The following EFTUD2 variants were observed in gnomAD, a reference collection of about 807,000 sequenced individuals.
EFTUD2 encodes elongation factor Tu GTP binding domain containing 2.
In EFTUD2, 9 loss-of-function variants were observed where a neutral mutation model predicts 114.3. That is an observed-to-expected ratio of 0.08 (90% CI 0.05 to 0.14). The LOEUF (loss-of-function observed/expected upper bound fraction) is 0.14. Ranked by LOEUF, EFTUD2 falls within the 10% of genes least tolerant of loss-of-function variation. The pLI is 1.00. For synonymous variants in EFTUD2, 449 were observed against 462.3 expected, an observed-to-expected ratio of 0.97 and a Z score of 0.37; for missense variants, 765 against 1,241.2, an observed-to-expected ratio of 0.62 and a Z score of 5.76.
chr17:44,880,819 C>T (rs1259838058), intron 7 of EFTUD2, among the ~76,000 whole-genome samples, 175 bp from the exon 8 acceptor site: 1 of 152,136 alleles, frequency 6.6e-6, no homozygotes, highest in Non-Finnish European at 1.5e-5. Context: ...GTGTTAGACA[C>T]CATTTTTGGG....
In EFTUD2 at chr17:44,850,692, C is replaced by T. The variant is rs1382192505; in HGVS notation, c.*582G>A. On this transcript the variant is annotated 3_prime_UTR_variant, in exon 28 of 28. Coordinates refer to ENST00000426333, the MANE Select transcript of EFTUD2 (RefSeq NM_004247.4). ...CTCCCAAGCCATCTTAGGTTCCACCCAGAAGCAGCATGGAGTGGGAGCAAG... is the reference window on the plus strand; with the variant it reads ...CTCCCAAGCCATCTTAGGTTCCACCTAGAAGCAGCATGGAGTGGGAGCAAG... 26 of 302,542 alleles carry T rather than the reference C, an allele frequency of 8.6e-5. No homozygotes were observed. Among genetic ancestry groups the T allele is most frequent in the Non-Finnish European group, 1.6e-4 (25 of 158,006 alleles). The allele number at this position is 302,542 out of a possible 1,614,324, so 18.7% of individuals were successfully genotyped here. A position where few individuals can be genotyped will look rare whatever the true frequency, so the allele number is the denominator to read the frequency against.
chr17:44,899,193 G>A (rs2051464548), intron 1 of EFTUD2, 176 bp downstream of exon 1: 1 of 152,246 alleles, frequency 6.6e-6, no homozygotes. Context: ...GGAAGCCTTG[G>A]GAAGGCACGA....
intron 1 of EFTUD2, among the ~76,000 whole-genome samples, chr17:44,897,587 C>T (rs947317109): frequency 2.0e-5 from 3 of 152,058 alleles, no homozygotes; most frequent in Non-Finnish European, 2.9e-5. Flanking sequence ...TTTTTTGAGA[C>T]GGAGTCCCGC....
Position 44,862,923 on chromosome 17 carries a change from G to C in EFTUD2, c.1414-17C>G. ...CAGGGGGCCCTGGAAGAGGGGACAG[G>C]GTGCAGCTTCAACCACATCTATGCT... On this transcript the variant is annotated splice_polypyrimidine_tract_variant and intron_variant, in intron 15 of 27. Transcript: ENST00000426333. 1 of 1,601,004 alleles carries C rather than the reference G, an allele frequency of 6.2e-7. No individual in the cohort carries two copies. The highest frequency in any genetic ancestry group is 8.5e-7 in the Non-Finnish European group (1 of 1,169,818).
chr17:44,852,165 C>T (rs2050466708), intron 26 of EFTUD2, among the ~76,000 whole-genome samples: 1 of 152,046 alleles, frequency 6.6e-6, no homozygotes, highest in South Asian at 2.1e-4. Flanking sequence ...GACCTGCCCG[C>T]CTCAGCCTCC....
chr17:44,890,249 A>G (rs964892054), intron 2 of EFTUD2, among the ~76,000 whole-genome samples: 2 of 151,150 alleles, frequency 1.3e-5, no homozygotes, highest in Non-Finnish European at 3.0e-5. Context: ...CGAACTCTTG[A>G]CCTCAGGTCA....
chr17:44,856,739 G>T (rs1446666847), intron 20 of EFTUD2, among the ~76,000 whole-genome samples: 2 of 146,590 alleles, frequency 1.4e-5, no homozygotes, highest in Admixed American at 1.4e-4. Context: ...GAAAGTTGAG[G>T]CTGCACTCCA....
intron 2 of EFTUD2, among the ~76,000 whole-genome samples, chr17:44,888,785 C>T (rs115008429): frequency 3.9e-5 from 6 of 152,068 alleles, no homozygotes; most frequent in African/African-American, 7.2e-5. Context: ...GGGAGCAGGG[C>T]GGGGAAAGCT....
In EFTUD2 at chr17:44,852,541, T is replaced by G; in HGVS notation, c.2583A>C (p.Ala861=). The G allele has an allele frequency of 6.2e-7, 1 of 1,613,882 alleles. No homozygotes were observed. The highest frequency in any genetic ancestry group is 8.5e-7 in the Non-Finnish European group (1 of 1,179,978). Residue 861 remains alanine (A), a synonymous_variant, in exon 26 of 28, where the codon GCA becomes GCC. Transcript: ENST00000426333. Reference sequence around the variant, plus strand: ...TGTACAGAGGGGAGCCTGGGATGGGTGCATCCTGAGTCACGTGCCCCCTGA... The same window carrying G: ...TGTACAGAGGGGAGCCTGGGATGGGGGCATCCTGAGTCACGTGCCCCCTGA... ...ARRRGHVTQD[A]PIPGSPLYTI...
chr17:44,882,725 G>C (rs1406422523), intron 6 of EFTUD2, among the ~76,000 whole-genome samples: 1 of 152,186 alleles, frequency 6.6e-6, no homozygotes, highest in African/African-American at 2.4e-5. Context: ...TGCAGACACA[G>C]TTGGCCTCAT....
At position 44,859,589 on chromosome 17, in the gene EFTUD2, C is replaced by T. The variant is rs1384949362; in HGVS notation, c.1860+316G>A. 1.7e-5 allele frequency: 9 copies of T among 519,206 alleles called. No individual in the cohort carries two copies. In the East Asian group the frequency reaches 2.0e-4, roughly 11 times the overall value. The allele number at this position is 519,206 out of a possible 1,614,324, so 32.2% of individuals were successfully genotyped here. On this transcript the variant is annotated intron_variant, in intron 18 of 27. Transcript: ENST00000426333. ...CGAGAAAATCAATTCAAAGTATACT[C>T]ATTAAGAAATGTATTTTTGTCTAGA...
intron 4 of EFTUD2, among the ~76,000 whole-genome samples, chr17:44,884,519 G>GA (rs35195434): frequency 0.28 from 36,190 of 130,420 alleles, 4,667 homozygotes; most frequent in Middle Eastern, 0.31. Flanking sequence ...ACCCCGCATC[G>GA]AAAAAAAAAA....
chr17:44,898,385 T>A (rs1022140173), intron 1 of EFTUD2, among the ~76,000 whole-genome samples: 1 of 152,060 alleles, frequency 6.6e-6, no homozygotes, highest in Non-Finnish European at 1.5e-5. Flanking sequence ...GCCTGGCTAA[T>A]TTTTTTGTAT....
At position 44,854,525 on chromosome 17, in the gene EFTUD2, C is replaced by T. The variant is rs371665518; in HGVS notation, c.2259+31G>A. The stretch of plus-strand genomic sequence containing the variant: ...TTCTTCCACTCCAGAGGTAAGAGAC[C>T]GCCACCCAGTTCCCATCAGTTCTGC... On this transcript the variant is annotated intron_variant, in intron 22 of 27. Transcript: ENST00000426333. The surrounding 1 kb of genome is among the most constrained non-coding windows in gnomAD (Gnocchi z 4.3). 3.6e-4 allele frequency: 571 copies of T among 1,601,766 alleles called. 1 individual carries two copies. In the Middle Eastern group the frequency reaches 8.5e-3, roughly 24 times the overall value.
chr17:44,889,151 G>A (rs539847006), intron 2 of EFTUD2, among the ~76,000 whole-genome samples: 5 of 152,240 alleles, frequency 3.3e-5, no homozygotes, highest in Admixed American at 2.6e-4. Context: ...GGGAATGATC[G>A]GCTGGGACAG....
intron 20 of EFTUD2, 54 bp downstream of exon 20, chr17:44,857,016 TAAAGG>T: frequency 7.0e-7 from 1 of 1,429,672 alleles, no homozygotes; most frequent in Non-Finnish European, 9.9e-7. Flanking sequence ...AGGTGGAAGA[TAAAGG>T]AGAGAGAGTG....
At position 44,859,994 on chromosome 17, in the gene EFTUD2, C is replaced by T; in HGVS notation, c.1771G>A (p.Ala591Thr). 6.2e-7 allele frequency: 1 copy of T among 1,614,174 alleles called. No individual in the cohort carries two copies. The highest frequency in any genetic ancestry group is 8.5e-7 in the Non-Finnish European group (1 of 1,180,038). The change falls in exon 18 of 28, where the codon GCT becomes ACT. Residue 591 changes from alanine (A) to threonine (T), a missense_variant. Transcript: ENST00000426333. Reference protein sequence around the residue: ...KFNTTSVIKIAVEPVNPSELP... With the variant: ...KFNTTSVIKITVEPVNPSELP... ...TCTGAGGGGTTGACTGGCTCCACAGCAATCTTGATAACAGATGTGGTATTG... is the reference window on the plus strand; with the variant it reads ...TCTGAGGGGTTGACTGGCTCCACAGTAATCTTGATAACAGATGTGGTATTG...
At chr17:44,855,026 G>C in intron 20 of EFTUD2, 22 bp from the exon 21 acceptor site, 1 of 1,600,046 alleles carries the variant, frequency 6.2e-7, no homozygotes, top group South Asian at 1.1e-5. Flanking sequence ...GGAAATGGGT[G>C]GTAAGGACGG....
rs563910200 is a variant in EFTUD2 at position 44,850,630 on chromosome 17, G to A, written c.*644C>T. 2.0e-5 allele frequency: 9 copies of A among 456,282 alleles called. No homozygotes were observed. In the Admixed American group the frequency reaches 2.3e-4, roughly 12 times the overall value. 28.3% of individuals were successfully genotyped at this position (456,282 alleles called of 1,614,324 possible). On this transcript the variant is annotated 3_prime_UTR_variant, in exon 28 of 28. Transcript: ENST00000426333. The stretch of plus-strand genomic sequence containing the variant: ...GGGGAGGCAGCAGTTTCCTGAGGAG[G>A]TGGTGGGGTAGACTTCTGATCGCAG...
Sources: gnomAD v4.1 joint callset for allele counts (sites outside exome capture counted in the v4.1 genomes callset) on GRCh38, gnomAD v4.1.1 for gene constraint, Gnocchi (gnomAD v3.1) non-coding constraint, MANE v1.5 for transcripts, NCBI Gene and HGNC (gene_info 2026-07-23, HGNC 2026-07-21) for gene names.